ADCY5: variants seen among roughly 807,000 people sequenced by gnomAD.
ADCY5 encodes adenylate cyclase type 5.
A neutral mutation model predicts 119.7 loss-of-function variants in ADCY5; 30 were observed. The observed-to-expected ratio is 0.25, with a 90% CI of 0.19 to 0.34. The LOEUF is 0.34. Among genes scored for constraint, ADCY5 ranks in the 10% least tolerant of loss-of-function variants. ADCY5 has a pLI of 1.00. For synonymous variants in ADCY5, 753 were observed against 762.2 expected (o/e 0.99, Z 0.20); for missense variants, 1,324 against 1,775.2 (o/e 0.75, Z 4.57).
At chr3:123,435,508 G>A (rs748940170) in intron 1 of ADCY5, among the ~76,000 whole-genome samples, 45 of 152,144 alleles carry the variant, frequency 3.0e-4, no homozygotes, top group Non-Finnish European at 5.7e-4. Flanking sequence ...GCCTCTCCAG[G>A]AAGCTGGCAG....
At position 123,325,350 on chromosome 3, in the gene ADCY5, T is replaced by C; in HGVS notation, c.2060A>G (p.Asn687Ser). 6.2e-7 allele frequency: 1 copy of C among 1,614,078 alleles called. No homozygotes were observed. The highest frequency in any genetic ancestry group is 8.5e-7 in the Non-Finnish European group (1 of 1,179,976). Residue 687 changes from asparagine to serine, a missense_variant, in exon 8 of 21, where the codon AAC becomes AGC. Asn to Ser is a conservative substitution (Grantham distance 46, BLOSUM62 1). Coordinates refer to ENST00000462833, the MANE Select transcript of ADCY5 (RefSeq NM_183357.3). ...CCGCTTCATCTCCTTGGACACCTGG[T>C]TGCCACCCAGGTGGTTGTAGAAGGG... ...ERPFYNHLGG[N>S]QVSKEMKRMG...
chr3:123,288,034 C>T lies in ADCY5; in HGVS notation c.3533-1225G>A, dbSNP rs80015153. The stretch of plus-strand genomic sequence containing the variant: ...GTTACACAAGACCAAGAGTGCGTGA[C>T]GTTAATGCAGAAATGGAGGCTGCAC... On this transcript the variant is annotated intron_variant, in intron 19 of 20. Transcript: ENST00000462833. 8.3e-4 allele frequency among the ~76,000 whole-genome samples: 127 copies of T among 152,358 alleles called. 2 individuals are homozygous for T. In the East Asian group the frequency reaches 0.022, roughly 27 times the overall value.
At chr3:123,421,510 A>AC (rs1345750167) in intron 1 of ADCY5, among the ~76,000 whole-genome samples, 2 of 152,186 alleles carry the variant, frequency 1.3e-5, no homozygotes, top group African/African-American at 4.8e-5. Context: ...TAAATCTAGT[A>AC]CCTGGGTGTG....
intron 1 of ADCY5, among the ~76,000 whole-genome samples, chr3:123,417,266 G>A (rs937008269): frequency 1.3e-5 from 2 of 152,210 alleles, no homozygotes; most frequent in African/African-American, 4.8e-5. Flanking sequence ...AGGGCAGGAG[G>A]CATGAAAAGG....
At chr3:123,303,832 G>GAAAGA (rs201542300) in intron 13 of ADCY5, among the ~76,000 whole-genome samples, 1 of 106,992 alleles carries the variant, frequency 9.3e-6, no homozygotes, top group Non-Finnish European at 2.1e-5. Context: ...CTCAAAACTG[G>GAAAGA]AAAGAAAAGA....
At chr3:123,383,625 G>A (rs777119424) in intron 1 of ADCY5, among the ~76,000 whole-genome samples, 4 of 152,158 alleles carry the variant, frequency 2.6e-5, no homozygotes, top group South Asian at 2.1e-4. Flanking sequence ...GCCCGCCCAC[G>A]GGGCTAATTT....
chr3:123,342,653 T>C (rs550119563), intron 3 of ADCY5, among the ~76,000 whole-genome samples: 1 of 151,364 alleles, frequency 6.6e-6, no homozygotes, highest in South Asian at 2.1e-4. Context: ...GACAGCTTTC[T>C]CGCCCTTCAC....
At chr3:123,381,820 C>T (rs1259353804) in intron 1 of ADCY5, among the ~76,000 whole-genome samples, 1 of 152,206 alleles carries the variant, frequency 6.6e-6, no homozygotes, top group Non-Finnish European at 1.5e-5. Flanking sequence ...CCTGACTGCT[C>T]TCTGGCTTCT....
chr3:123,302,971 A>T (rs1477147456), intron 14 of ADCY5, 84 bp downstream of exon 14: 2 of 1,507,336 alleles, frequency 1.3e-6, no homozygotes, highest in Non-Finnish European at 1.8e-6. Context: ...CCTGTCCTTC[A>T]GACTGTCCTG....
At chr3:123,348,084 T>C (rs975692417) in intron 2 of ADCY5, among the ~76,000 whole-genome samples, 181 bp from the exon 3 acceptor site, 8 of 151,734 alleles carry the variant, frequency 5.3e-5, no homozygotes, top group Non-Finnish European at 8.8e-5. Flanking sequence ...TGTGTGTATG[T>C]GTGTGCAGGA....
At chr3:123,367,063 T>C (rs1171652350) in intron 1 of ADCY5, among the ~76,000 whole-genome samples, 2 of 152,210 alleles carry the variant, frequency 1.3e-5, no homozygotes, top group Non-Finnish European at 2.9e-5. Context: ...GCATATAAGC[T>C]ACAGCTTTAA....
At chr3:123,343,093 T>C (rs907727993) in intron 3 of ADCY5, among the ~76,000 whole-genome samples, 1 of 152,220 alleles carries the variant, frequency 6.6e-6, no homozygotes, top group Admixed American at 6.5e-5. Flanking sequence ...TTGTCTAACA[T>C]TAATACCCTG....
chr3:123,297,249 C>A, intron 16 of ADCY5, 104 bp downstream of exon 16: 3 of 1,497,776 alleles, frequency 2.0e-6, no homozygotes, highest in Non-Finnish European at 2.8e-6. Flanking sequence ...TCCTTCACTA[C>A]CCACCTTGCC....
In ADCY5 at chr3:123,282,930, G is replaced by A. The variant is rs187024714; in HGVS notation, c.*1678C>T. 3 of 152,344 alleles carry A rather than the reference G, an allele frequency of 2.0e-5. No individual in the cohort carries two copies. The highest frequency in any genetic ancestry group is 6.5e-5 in the Admixed American group (1 of 15,304). 9.4% of individuals were successfully genotyped at this position (152,344 alleles called of 1,614,324 possible). ...AAGCAATGGAAAGATTTGGGCATGG[G>A]CCCTAAGGATTCCACTGAATTCTGT... On this transcript the variant is annotated 3_prime_UTR_variant, in exon 21 of 21. Coordinates refer to ENST00000462833, the MANE Select transcript of ADCY5 (RefSeq NM_183357.3).
intron 1 of ADCY5, among the ~76,000 whole-genome samples, chr3:123,426,084 A>G (rs892199984): frequency 2.6e-5 from 4 of 151,992 alleles, no homozygotes; most frequent in Admixed American, 2.6e-4. Context: ...CTCTGCTTAT[A>G]TCATCACAGG....
At chr3:123,394,653 AG>A (rs1182878409) in intron 1 of ADCY5, among the ~76,000 whole-genome samples, 1 of 152,226 alleles carries the variant, frequency 6.6e-6, no homozygotes, top group Non-Finnish European at 1.5e-5. Flanking sequence ...AAAAGTGGTA[AG>A]GCACAGTTTA....
At chr3:123,414,309 C>T (rs1945134446) in intron 1 of ADCY5, among the ~76,000 whole-genome samples, 1 of 152,232 alleles carries the variant, frequency 6.6e-6, no homozygotes, top group African/African-American at 2.4e-5. Context: ...CTGTGCAGCT[C>T]TGTGGGACCC....
intron 1 of ADCY5, among the ~76,000 whole-genome samples, chr3:123,371,999 CCTT>C (rs1455021318): frequency 6.6e-6 from 1 of 152,190 alleles, no homozygotes; most frequent in African/African-American, 2.4e-5. Flanking sequence ...CCCTGCCCCA[CCTT>C]CTGCTGGGCC....
At chr3:123,314,079 A>G (rs753318352) in intron 12 of ADCY5, among the ~76,000 whole-genome samples, 156 bp downstream of exon 12, 15 of 152,188 alleles carry the variant, frequency 9.9e-5, no homozygotes, top group Non-Finnish European at 2.2e-4. Flanking sequence ...CTTGCTGCCA[A>G]TGCCATTGGA....
Sources: allele counts gnomAD v4.1 joint callset (sites outside exome capture counted in the v4.1 genomes callset), GRCh38; gene constraint gnomAD v4.1.1; transcripts MANE v1.5; gene names NCBI Gene and HGNC (gene_info 2026-07-23, HGNC 2026-07-21).